RALYL: variants seen among roughly 807,000 people sequenced by gnomAD.
The protein encoded by RALYL is RNA-binding Raly-like protein.
A neutral mutation model predicts 35.1 loss-of-function variants in RALYL; 29 were observed. The observed-to-expected ratio is 0.83, with a 90% CI of 0.61 to 1.13. The LOEUF (loss-of-function observed/expected upper bound fraction) is 1.13, where lower values mean the gene tolerates loss of function less well. Among genes scored for constraint, RALYL ranks in the 50% most tolerant of loss-of-function variants. The pLI, the probability that RALYL is intolerant of heterozygous loss-of-function variation, is 0.00. For synonymous variants in RALYL, 120 were observed against 127.6 expected, an observed-to-expected ratio of 0.94 and a Z score of 0.40; for missense variants, 359 against 360.4, an observed-to-expected ratio of 1.00 and a Z score of 0.03.
chr8:84,269,178 T>A (rs1167813981), intron 1 of RALYL, among the ~76,000 whole-genome samples: 1 of 152,194 alleles, frequency 6.6e-6, no homozygotes, highest in Non-Finnish European at 1.5e-5. Context: ...ATTGAAATTA[T>A]ATAATTAATA....
intron 2 of RALYL, among the ~76,000 whole-genome samples, chr8:84,657,486 C>T (rs1830171139): frequency 6.6e-6 from 1 of 152,184 alleles, no homozygotes; most frequent in Admixed American, 6.6e-5. Flanking sequence ...CACTCATGTG[C>T]ATACCTTTCT....
intron 2 of RALYL, among the ~76,000 whole-genome samples, chr8:84,552,342 A>G (rs1340410943): frequency 1.6e-5 from 1 of 64,332 alleles, no homozygotes; most frequent in African/African-American, 9.7e-5. Context: ...GTGTGTGTAT[A>G]TATATATATA....
intron 1 of RALYL, among the ~76,000 whole-genome samples, chr8:84,352,246 AT>A (rs1851042315): frequency 6.7e-6 from 1 of 150,114 alleles, no homozygotes; most frequent in Non-Finnish European, 1.5e-5. Flanking sequence ...CATGCTTTGG[AT>A]TTTACCCGGT....
At chr8:84,223,209 C>CCTTCTCT (rs1554578639) in intron 1 of RALYL, among the ~76,000 whole-genome samples, 1 of 88,874 alleles carries the variant, frequency 1.1e-5, no homozygotes, top group African/African-American at 5.6e-5. Flanking sequence ...CCTTCCATTC[C>CCTTCTCT]TCCCTTCCCT....
At chr8:84,469,651 C>T (rs1219666024) in intron 1 of RALYL, among the ~76,000 whole-genome samples, 1 of 152,230 alleles carries the variant, frequency 6.6e-6, no homozygotes, top group Non-Finnish European at 1.5e-5. Flanking sequence ...CCTCCTTGAG[C>T]TGTGGTGGGC....
rs1847597956 is a variant in RALYL at position 84,335,469 on chromosome 8, A to G, written c.-24+151045A>G. On this transcript the variant is annotated intron_variant, in intron 1 of 8. Transcript: ENST00000521268. The stretch of plus-strand genomic sequence containing the variant: ...CCTCAACAGCTAAGCAGGCAGTTCC[A>G]TTAAGGTTGTCTTAGAATCTTTGGG... 2.6e-5 allele frequency among the ~76,000 whole-genome samples: 4 copies of G among 152,060 alleles called. No individual in the cohort carries two copies. In the South Asian group the frequency reaches 8.3e-4, roughly 32 times the overall value.
intron 1 of RALYL, among the ~76,000 whole-genome samples, chr8:84,464,057 CT>C (rs200567930): frequency 0.017 from 2,565 of 151,416 alleles, 74 homozygotes; most frequent in African/African-American, 0.058. Flanking sequence ...TAGTGAGTTC[CT>C]TTTTTATTAA....
intron 2 of RALYL, among the ~76,000 whole-genome samples, chr8:84,681,043 G>T (rs953755805): frequency 4.6e-5 from 7 of 151,950 alleles, no homozygotes; most frequent in Non-Finnish European, 1.0e-4. Flanking sequence ...TGTAAGGAAG[G>T]GATCCAGTTT....
chr8:84,297,596 G>A (rs988290602), intron 1 of RALYL, among the ~76,000 whole-genome samples: 2 of 151,934 alleles, frequency 1.3e-5, no homozygotes, highest in East Asian at 3.9e-4. Flanking sequence ...TAGGTCGAAT[G>A]GTAGTTTAAG....
chr8:84,454,107 C>T (rs1450424954), intron 1 of RALYL, among the ~76,000 whole-genome samples: 1 of 151,902 alleles, frequency 6.6e-6, no homozygotes, highest in Non-Finnish European at 1.5e-5. Flanking sequence ...CTTCTAAAAA[C>T]AAAATGAATA....
intron 8 of RALYL, among the ~76,000 whole-genome samples, chr8:84,906,706 C>T (rs1368231130): frequency 1.3e-5 from 2 of 151,500 alleles, no homozygotes; most frequent in Non-Finnish European, 2.9e-5. Context: ...AAAAAAAGTA[C>T]ATTTTCATGG....
chr8:84,434,900 TG>T (rs2047534372), intron 1 of RALYL, among the ~76,000 whole-genome samples: 1 of 152,184 alleles, frequency 6.6e-6, no homozygotes, highest in Admixed American at 6.6e-5. Context: ...AATATTGATT[TG>T]GATTTGAATA....
At chr8:84,702,452 G>T (rs756780240) in intron 2 of RALYL, among the ~76,000 whole-genome samples, 2 of 152,050 alleles carry the variant, frequency 1.3e-5, no homozygotes, top group African/African-American at 4.8e-5. Context: ...TCAAAATTGG[G>T]ATAGAGATAC....
intron 1 of RALYL, among the ~76,000 whole-genome samples, chr8:84,219,599 G>A (rs779050080): frequency 2.6e-5 from 4 of 152,056 alleles, no homozygotes; most frequent in Non-Finnish European, 4.4e-5. Context: ...ACATGTCTGT[G>A]TGTGTGTGTG....
intron 1 of RALYL, among the ~76,000 whole-genome samples, chr8:84,198,438 G>A (rs767243973): frequency 2.6e-5 from 4 of 151,872 alleles, no homozygotes; most frequent in African/African-American, 4.8e-5. Flanking sequence ...GATACAGGCC[G>A]GCAATGCATA....
At chr8:84,636,177 C>G (rs953709237) in intron 2 of RALYL, among the ~76,000 whole-genome samples, 30 of 151,716 alleles carry the variant, frequency 2.0e-4, no homozygotes, top group African/African-American at 6.5e-4. Context: ...TTGTGCATAT[C>G]TACAAAAAGC....
chr8:84,870,153 T>C (rs1230918969), intron 6 of RALYL, among the ~76,000 whole-genome samples: 1 of 152,170 alleles, frequency 6.6e-6, no homozygotes, highest in African/African-American at 2.4e-5. Context: ...CTGATTTTTG[T>C]TTGGTAATTC....
chr8:84,830,149 T>G (rs1016789586), intron 4 of RALYL, among the ~76,000 whole-genome samples: 1 of 151,978 alleles, frequency 6.6e-6, no homozygotes, highest in South Asian at 2.1e-4. Context: ...CAGTGTCACC[T>G]CATTGGACCT....
intron 2 of RALYL, among the ~76,000 whole-genome samples, chr8:84,704,682 G>T (rs544306676): frequency 6.6e-6 from 1 of 152,032 alleles, no homozygotes; most frequent in African/African-American, 2.4e-5. Context: ...ATAACCATAG[G>T]GGTCTTTGAC....
Sources: allele counts gnomAD v4.1 joint callset (sites outside exome capture counted in the v4.1 genomes callset), GRCh38; gene constraint gnomAD v4.1.1; transcripts MANE v1.5; gene names NCBI Gene and HGNC (gene_info 2026-07-23, HGNC 2026-07-21).